The following BCAR3 variants were observed in gnomAD, a reference collection of about 807,000 sequenced individuals.
BCAR3 encodes breast cancer anti-estrogen resistance protein 3.
Under a neutral mutation model 80.1 loss-of-function variants are expected in BCAR3, and 37 were observed. That is an observed-to-expected ratio of 0.46 (90% confidence interval 0.36 to 0.61). The LOEUF (loss-of-function observed/expected upper bound fraction) is 0.61. Ranked by LOEUF, BCAR3 falls within the 20% of genes least tolerant of loss-of-function variation. The pLI, the probability that BCAR3 is intolerant of heterozygous loss-of-function variation, is 0.00. For synonymous variants in BCAR3, 389 were observed against 418.9 expected (o/e 0.93, Z 0.87); for missense variants, 978 against 1,068.2 (o/e 0.92, Z 1.18).
chr1:93,839,883 G>T (rs566129633), intron 2 of BCAR3, among the ~76,000 whole-genome samples: 25 of 152,304 alleles, frequency 1.6e-4, no homozygotes, highest in African/African-American at 5.8e-4. Context: ...ATGAGTCACT[G>T]AGGGGATCTT....
chr1:93,768,509 C>T (rs1435506204), intron 2 of BCAR3, among the ~76,000 whole-genome samples: 1 of 152,136 alleles, frequency 6.6e-6, no homozygotes, highest in African/African-American at 2.4e-5. Context: ...AGGAAAAACA[C>T]CATCACCCAC....
At chr1:93,576,678 G>GTGA (rs1470706397) in intron 7 of BCAR3, among the ~76,000 whole-genome samples, 1 of 152,250 alleles carries the variant, frequency 6.6e-6, no homozygotes, top group Non-Finnish European at 1.5e-5. Context: ...AATGTGTACA[G>GTGA]TGATTGGAAA....
At chr1:93,671,246 G>A (rs1648189418) in intron 2 of BCAR3, among the ~76,000 whole-genome samples, 1 of 152,166 alleles carries the variant, frequency 6.6e-6, no homozygotes, top group African/African-American at 2.4e-5. Context: ...GTCCACCTCG[G>A]CTGCCCAAAG....
chr1:93,597,353 G>A (rs920950589), intron 3 of BCAR3, among the ~76,000 whole-genome samples: 1 of 152,194 alleles, frequency 6.6e-6, no homozygotes. Flanking sequence ...AAATTAATAA[G>A]TTACTATAAT....
At chr1:93,664,609 T>C (rs1571022122) in intron 2 of BCAR3, among the ~76,000 whole-genome samples, 1 of 152,210 alleles carries the variant, frequency 6.6e-6, no homozygotes, top group African/African-American at 2.4e-5. Context: ...CCAAGACTAA[T>C]ACACAGTGGT....
intron 2 of BCAR3, among the ~76,000 whole-genome samples, chr1:93,728,960 C>T (rs1253901038): frequency 6.6e-6 from 1 of 152,134 alleles, no homozygotes; most frequent in East Asian, 1.9e-4. Flanking sequence ...GGGACCACGC[C>T]CTCCTCTACC....
chr1:93,813,146 A>G (rs1424080944), intron 2 of BCAR3, among the ~76,000 whole-genome samples: 1 of 151,960 alleles, frequency 6.6e-6, no homozygotes, highest in Non-Finnish European at 1.5e-5. Context: ...CAGCCCCCAG[A>G]GCTCCATTCT....
At chr1:93,651,828 C>G (rs952776314) in intron 2 of BCAR3, among the ~76,000 whole-genome samples, 1 of 152,148 alleles carries the variant, frequency 6.6e-6, no homozygotes, top group South Asian at 2.1e-4. Flanking sequence ...AAAAGGGAAG[C>G]CAAGAGAAGC....
chr1:93,656,007 G>T (rs577605807), intron 2 of BCAR3, among the ~76,000 whole-genome samples: 1 of 152,286 alleles, frequency 6.6e-6, no homozygotes, highest in African/African-American at 2.4e-5. Flanking sequence ...GTTTTCATTT[G>T]TCTAGGAGTC....
chr1:93,765,484 G>C (rs1392803256), intron 2 of BCAR3, among the ~76,000 whole-genome samples: 1 of 152,046 alleles, frequency 6.6e-6, no homozygotes, highest in Non-Finnish European at 1.5e-5. Flanking sequence ...TGATTGACAG[G>C]TAGAAAACTG....
At chr1:93,757,508 G>T (rs1337077074) in intron 2 of BCAR3, among the ~76,000 whole-genome samples, 1 of 152,252 alleles carries the variant, frequency 6.6e-6, no homozygotes, top group African/African-American at 2.4e-5. Context: ...TGCAATATGT[G>T]TTGGGTTAAC....
intron 3 of BCAR3, among the ~76,000 whole-genome samples, chr1:93,705,656 T>TC (rs577292095): frequency 1.3e-3 from 194 of 152,290 alleles, no homozygotes; most frequent in African/African-American, 4.0e-3. Flanking sequence ...CCTGAAACCC[T>TC]CCCCACCTTA....
At chr1:93,796,852 T>C (rs1205779842) in intron 2 of BCAR3, among the ~76,000 whole-genome samples, 1 of 152,192 alleles carries the variant, frequency 6.6e-6, no homozygotes, top group African/African-American at 2.4e-5. Flanking sequence ...AAACTGAAAT[T>C]GGATTCCAAA....
intron 2 of BCAR3, among the ~76,000 whole-genome samples, chr1:93,729,654 G>A (rs1336767148): frequency 6.6e-6 from 1 of 152,206 alleles, no homozygotes; most frequent in Non-Finnish European, 1.5e-5. Flanking sequence ...ATTGAGGCCA[G>A]GGAGCCAGGC....
Position 93,618,232 on chromosome 1 carries a change from C to G in BCAR3, c.357+24072G>C, listed in dbSNP as rs186291070. ...AGGCAACAATGCCTGCGCCCTCTGG[C>G]CCCCTTTGTGTATTGCTGTGGACAA... On this transcript the variant is annotated intron_variant, in intron 3 of 11. Coordinates refer to ENST00000260502, the MANE Select transcript of BCAR3 (RefSeq NM_003567.4). 1.6e-3 allele frequency among the ~76,000 whole-genome samples: 240 copies of G among 152,344 alleles called. 1 individual carries two copies. Among genetic ancestry groups the G allele is most frequent in the African/African-American group, 5.0e-3 (206 of 41,588 alleles).
chr1:93,787,049 G>A (rs369841720), intron 2 of BCAR3, among the ~76,000 whole-genome samples: 2 of 152,276 alleles, frequency 1.3e-5, no homozygotes, highest in East Asian at 3.9e-4. Flanking sequence ...TCTAAGTTTA[G>A]AGATCTATAC....
upstream of BCAR3, among the ~76,000 whole-genome samples, chr1:93,685,353 A>ATGTGTGTG (rs10606446): frequency 6.7e-6 from 1 of 150,226 alleles, no homozygotes; most frequent in African/African-American, 2.4e-5. Flanking sequence ...CAGAGTTTCT[A>ATGTGTGTG]TGTGTGTGTG....
At chr1:93,712,808 A>G (rs971731484) in intron 2 of BCAR3, among the ~76,000 whole-genome samples, 9 of 152,218 alleles carry the variant, frequency 5.9e-5, no homozygotes, top group African/African-American at 2.2e-4. Context: ...ACACTTGGTT[A>G]GAATCAGGAT....
upstream of BCAR3, among the ~76,000 whole-genome samples, chr1:93,684,804 A>G (rs1192607443): frequency 6.6e-6 from 1 of 152,152 alleles, no homozygotes; most frequent in Non-Finnish European, 1.5e-5. Flanking sequence ...ATCTCAGCTC[A>G]CTGCAACCTC....
Sources: gnomAD v4.1 joint callset for allele counts (sites outside exome capture counted in the v4.1 genomes callset) on GRCh38, gnomAD v4.1.1 for gene constraint, MANE v1.5 for transcripts, NCBI Gene and HGNC (gene_info 2026-07-23, HGNC 2026-07-21) for gene names.